DIAPH3: variants seen among roughly 807,000 people sequenced by gnomAD.
The protein encoded by DIAPH3 is protein diaphanous homolog 3.
DIAPH3 carries 117 observed loss-of-function variants against 144.3 expected under a neutral mutation model. The observed-to-expected ratio is 0.81, with a 90% CI of 0.70 to 0.95. DIAPH3 has a LOEUF of 0.95. DIAPH3 is among the 40% of genes least tolerant of loss of function. The probability of loss-of-function intolerance (pLI) is 0.00; values close to 1 mark genes in which losing one functional copy is unlikely to be tolerated. For synonymous variants in DIAPH3, 519 were observed against 488.9 expected, an observed-to-expected ratio of 1.06 and a Z score of -0.81; for missense variants, 1,421 against 1,412.7, an observed-to-expected ratio of 1.01 and a Z score of -0.09.
chr13:59,962,082 A>T (rs543366791), intron 17 of DIAPH3, among the ~76,000 whole-genome samples: 2 of 152,292 alleles, frequency 1.3e-5, no homozygotes, highest in African/African-American at 4.8e-5. Flanking sequence ...GGTTCTTTGA[A>T]TTAAAAAAAA....
intron 22 of DIAPH3, 63 bp from the exon 23 acceptor site, chr13:59,839,511 C>A (rs1288352642): frequency 3.4e-6 from 5 of 1,477,934 alleles, no homozygotes; most frequent in Non-Finnish European, 4.6e-6. Flanking sequence ...AGGTAAGACA[C>A]CCTAGAAACA....
chr13:59,762,151 T>C (rs2037632897), intron 27 of DIAPH3, among the ~76,000 whole-genome samples: 1 of 144,458 alleles, frequency 6.9e-6, no homozygotes, highest in African/African-American at 2.6e-5. Context: ...CTCTTCCTCC[T>C]GAGTTCAAGC....
rs1334534648 is a variant in DIAPH3, at chr13:60,073,775, G to A, written c.495+19853C>T. ...GTTCTGTAAATAAAAGTTACTAAAT[G>A]AGTGCCAATTTACTACAAGAATATA... On this transcript the variant is annotated intron_variant, in intron 4 of 27. Transcript: ENST00000400324. Among the ~76,000 whole-genome samples, 3 of 152,142 alleles carry A rather than the reference G, an allele frequency of 2.0e-5. No homozygotes were observed. The East Asian group carries it at 5.8e-4, about 29-fold the overall frequency.
chr13:60,132,832 A>G (rs1190032846), intron 2 of DIAPH3, 125 bp downstream of exon 2: 2 of 783,850 alleles, frequency 2.6e-6, no homozygotes, highest in African/African-American at 1.7e-5. Flanking sequence ...TTTCAGCACT[A>G]TAAGAATAGT....
At chr13:59,884,000 T>G (rs2045264930) in intron 20 of DIAPH3, among the ~76,000 whole-genome samples, 1 of 152,160 alleles carries the variant, frequency 6.6e-6, no homozygotes, top group African/African-American at 2.4e-5. Flanking sequence ...CAGTAACTGT[T>G]AGAAAACAGG....
chr13:60,012,440 G>A (rs1423141561), intron 7 of DIAPH3, among the ~76,000 whole-genome samples: 1 of 152,202 alleles, frequency 6.6e-6, no homozygotes, highest in East Asian at 1.9e-4. Context: ...GAAAAAGAAT[G>A]AAAAGGCAGG....
intron 4 of DIAPH3, among the ~76,000 whole-genome samples, chr13:60,066,730 A>C (rs2056983029): frequency 6.6e-6 from 1 of 152,264 alleles, no homozygotes; most frequent in Admixed American, 6.5e-5. Context: ...TCTTGTGAAA[A>C]TCAGAAATGG....
intron 4 of DIAPH3, among the ~76,000 whole-genome samples, chr13:60,084,184 G>A (rs2057674737): frequency 6.6e-6 from 1 of 152,052 alleles, no homozygotes; most frequent in African/African-American, 2.4e-5. Context: ...ACACAAAACT[G>A]AAGAAAGGTT....
chr13:60,000,466 TG>T (rs1341870568), intron 9 of DIAPH3, among the ~76,000 whole-genome samples: 14 of 150,080 alleles, frequency 9.3e-5, no homozygotes, highest in African/African-American at 3.4e-4. Context: ...ATTTCAACAG[TG>T]GGTAAAGAAA....
At chr13:59,882,527 A>T (rs1049543340) in intron 20 of DIAPH3, among the ~76,000 whole-genome samples, 3 of 152,198 alleles carry the variant, frequency 2.0e-5, no homozygotes, top group Non-Finnish European at 4.4e-5. Flanking sequence ...ATATTCTATC[A>T]ACACTGGGGA....
intron 23 of DIAPH3, chr13:59,837,694 T>C (rs1283318051): frequency 6.6e-6 from 1 of 151,822 alleles, no homozygotes; most frequent in Non-Finnish European, 1.5e-5. Context: ...AATATATTTA[T>C]TTTAGAAAGC....
intron 27 of DIAPH3, among the ~76,000 whole-genome samples, chr13:59,720,749 G>C (rs185688904): frequency 6.6e-6 from 1 of 152,260 alleles, no homozygotes; most frequent in African/African-American, 2.4e-5. Flanking sequence ...AAAAAAATTA[G>C]AATTTTTGAG....
At chr13:59,699,383 G>A (rs1449236578) in intron 27 of DIAPH3, among the ~76,000 whole-genome samples, 1 of 152,208 alleles carries the variant, frequency 6.6e-6, no homozygotes, top group Non-Finnish European at 1.5e-5. Flanking sequence ...CAGCTGAAGG[G>A]GAGTGAGCCA....
At chr13:59,786,337 TA>T (rs1344323377) in intron 25 of DIAPH3, among the ~76,000 whole-genome samples, 1 of 152,034 alleles carries the variant, frequency 6.6e-6, no homozygotes, top group Non-Finnish European at 1.5e-5. Flanking sequence ...CTCTCCAGCT[TA>T]AAAAAAGAAA....
chr13:60,060,318 T>C (rs2056716499), intron 4 of DIAPH3, among the ~76,000 whole-genome samples: 1 of 152,140 alleles, frequency 6.6e-6, no homozygotes, highest in Non-Finnish European at 1.5e-5. Context: ...CAATCCATTA[T>C]GGGAGTTTGG....
At chr13:60,017,250 G>A (rs990708600) in intron 5 of DIAPH3, among the ~76,000 whole-genome samples, 4 of 151,434 alleles carry the variant, frequency 2.6e-5, no homozygotes, top group South Asian at 2.1e-4. Context: ...CTAAAAATAC[G>A]AAATTAGCCA....
intron 27 of DIAPH3, among the ~76,000 whole-genome samples, chr13:59,730,244 C>T (rs1053400135): frequency 1.3e-5 from 2 of 152,218 alleles, no homozygotes; most frequent in African/African-American, 4.8e-5. Flanking sequence ...TTCAATTCCC[C>T]TCAGGCCTCT....
chr13:59,916,074 A>C, intron 19 of DIAPH3, 81 bp downstream of exon 19: 7 of 1,219,444 alleles, frequency 5.7e-6, no homozygotes, highest in Non-Finnish European at 8.5e-6. Context: ...TGGGTGAAGA[A>C]TTTTGCTTCA....
intron 4 of DIAPH3, among the ~76,000 whole-genome samples, chr13:60,069,140 G>A (rs1167384025): frequency 6.6e-6 from 1 of 152,106 alleles, no homozygotes; most frequent in African/African-American, 2.4e-5. Context: ...AACCTCGCCA[G>A]CACCAGTTAT....
Sources: allele counts gnomAD v4.1 joint callset (sites outside exome capture counted in the v4.1 genomes callset), GRCh38; gene constraint gnomAD v4.1.1; transcripts MANE v1.5; gene names NCBI Gene and HGNC (gene_info 2026-07-23, HGNC 2026-07-21).